EFCAB3: variants seen among roughly 807,000 people sequenced by gnomAD.
The protein encoded by EFCAB3 is EF-hand calcium binding domain 3, also known as EF-hand calcium-binding domain-containing protein 3.
EFCAB3 carries 36 observed loss-of-function variants against 42.2 expected under a neutral mutation model. That is an observed-to-expected ratio of 0.85 (90% CI 0.65 to 1.13). The LOEUF is 1.13. Among genes scored for constraint, EFCAB3 ranks in the 50% most tolerant of loss-of-function variants. The pLI is 0.00. For missense variants in EFCAB3, 418 were observed against 505.1 expected (o/e 0.83, Z 1.65); for synonymous variants, 170 against 172.8 (o/e 0.98, Z 0.13).
upstream of EFCAB3, among the ~76,000 whole-genome samples, chr17:62,377,741 T>C (rs532980119): frequency 6.6e-6 from 1 of 152,332 alleles, no homozygotes; most frequent in South Asian, 2.1e-4. Flanking sequence ...TGAATAGTCT[T>C]GATTTCAATG....
upstream of EFCAB3, among the ~76,000 whole-genome samples, chr17:62,379,926 T>C (rs2070182018): frequency 6.6e-6 from 1 of 152,236 alleles, no homozygotes; most frequent in African/African-American, 2.4e-5. Context: ...ATTAATGAAA[T>C]GATTCTTAAT....
chr17:62,388,205 C>T (rs11079475), intron 3 of EFCAB3, among the ~76,000 whole-genome samples: 11,221 of 150,738 alleles, frequency 0.074, 1,449 homozygotes, highest in African/African-American at 0.26. Flanking sequence ...AGCGAGACTA[C>T]GTCTCGAAAA....
chr17:62,401,179 TGAA>T (rs2070400068), intron 6 of EFCAB3, among the ~76,000 whole-genome samples: 1 of 152,252 alleles, frequency 6.6e-6, no homozygotes, highest in Non-Finnish European at 1.5e-5. Context: ...TTGTAGATTC[TGAA>T]TATTAGCCCT....
intron 6 of EFCAB3, among the ~76,000 whole-genome samples, chr17:62,395,781 A>G (rs1435887776): frequency 1.3e-5 from 2 of 152,182 alleles, no homozygotes; most frequent in East Asian, 3.8e-4. Context: ...CTGAGAGTAA[A>G]TCACCTCAAT....
upstream of EFCAB3, among the ~76,000 whole-genome samples, chr17:62,378,185 A>G (rs943743579): frequency 5.3e-5 from 8 of 152,172 alleles, no homozygotes; most frequent in African/African-American, 1.7e-4. Flanking sequence ...CTTTCTTTCT[A>G]AGTTCCTTGT....
At chr17:62,374,048 T>C (rs1334113686) in intron 2 of EFCAB3, among the ~76,000 whole-genome samples, 1 of 152,246 alleles carries the variant, frequency 6.6e-6, no homozygotes, top group Non-Finnish European at 1.5e-5. Flanking sequence ...CCAATGATAA[T>C]CCATAATTTT....
Position 62,407,027 on chromosome 17 carries a change from G to T in EFCAB3, c.683-1G>T. ...TACCATTTTTGTTTTTATCTTTTTA[G>T]GATGCAATTCCGGTTCAGATAGCCC... On this transcript the variant is annotated splice_acceptor_variant, in intron 7 of 9. Transcript: ENST00000305286. LOFTEE classifies it high-confidence loss of function. The T allele has an allele frequency of 6.4e-7, 1 of 1,568,274 alleles. No homozygotes were observed. The highest frequency in any genetic ancestry group is 1.2e-5 in the South Asian group (1 of 83,512).
At position 62,402,190 on chromosome 17, in the gene EFCAB3, C is replaced by T. The variant is rs932284361; in HGVS notation, c.489-4290C>T. 2.2e-4 allele frequency among the ~76,000 whole-genome samples: 34 copies of T among 152,158 alleles called. 3 individuals are homozygous for T. The highest frequency in any genetic ancestry group is 8.8e-5 in the Non-Finnish European group (6 of 68,028). ...CTTATCAGCTTAAGGAGATTTTGGG[C>T]TGAGACGATGGGGTTTTCTAAATAT... On this transcript the variant is annotated intron_variant, in intron 6 of 9. Transcript: ENST00000305286.
intron 2 of EFCAB3, among the ~76,000 whole-genome samples, chr17:62,375,313 C>T (rs1368640293): frequency 6.6e-6 from 1 of 152,132 alleles, no homozygotes; most frequent in Non-Finnish European, 1.5e-5. Context: ...TCTATTGCTG[C>T]TTTTGTTGTT....
rs190310944 is a variant in EFCAB3, at chr17:62,371,684, G to A, written c.34+1362G>A. 3.3e-4 allele frequency among the ~76,000 whole-genome samples: 50 copies of A among 152,272 alleles called. 1 individual carries two copies. In the East Asian group the frequency reaches 8.5e-3, roughly 26 times the overall value. On this transcript the variant is annotated intron_variant, in intron 1 of 11. Coordinates refer to the EFCAB3 transcript ENST00000450662. ...GAAAAATAAGGAAAAATATTACAGC[G>A]AGTGAAACTAGAAAATAAAATGAGT...
intron 2 of EFCAB3, among the ~76,000 whole-genome samples, chr17:62,383,944 A>G (rs953857324): frequency 6.6e-5 from 10 of 152,242 alleles, no homozygotes; most frequent in Admixed American, 5.9e-4. Context: ...GCTTTTTCTC[A>G]GTCACCTAAC....
chr17:62,396,815 G>A (rs1402320222), intron 6 of EFCAB3, among the ~76,000 whole-genome samples: 1 of 151,908 alleles, frequency 6.6e-6, no homozygotes, highest in Non-Finnish European at 1.5e-5. Flanking sequence ...GGAATTTGAG[G>A]TTACAGTGAG....
At chr17:62,409,661 T>C (rs974327833) in intron 8 of EFCAB3, among the ~76,000 whole-genome samples, 1 of 151,708 alleles carries the variant, frequency 6.6e-6, no homozygotes, top group Admixed American at 6.6e-5. Flanking sequence ...TTCCTGATTT[T>C]TTTCATAACA....
At chr17:62,382,780 A>G (rs1267188496) in intron 1 of EFCAB3, among the ~76,000 whole-genome samples, 183 bp from the exon 2 acceptor site, 4 of 152,218 alleles carry the variant, frequency 2.6e-5, no homozygotes, top group Admixed American at 2.6e-4. Flanking sequence ...ATCGGGAACA[A>G]CGAAGGGGAA....
intron 2 of EFCAB3, 109 bp from the exon 3 acceptor site, chr17:62,387,231 T>C: frequency 2.8e-6 from 2 of 726,066 alleles, no homozygotes; most frequent in Non-Finnish European, 4.5e-6. Flanking sequence ...GTAGACTGGA[T>C]ACATTGAGAT....
chr17:62,371,280 C>T (rs971590052), intron 1 of EFCAB3, among the ~76,000 whole-genome samples: 5 of 151,986 alleles, frequency 3.3e-5, no homozygotes, highest in Non-Finnish European at 7.4e-5. Flanking sequence ...ACTTGCCGGG[C>T]GCGGTGGCTC....
intron 4 of EFCAB3, among the ~76,000 whole-genome samples, chr17:62,393,170 C>T (rs1286833561): frequency 6.6e-6 from 1 of 152,272 alleles, no homozygotes; most frequent in African/African-American, 2.4e-5. Flanking sequence ...ACACATACCC[C>T]TCTAATAATA....
intron 4 of EFCAB3, among the ~76,000 whole-genome samples, chr17:62,392,698 C>T (rs895969158): frequency 6.6e-5 from 10 of 151,758 alleles, no homozygotes; most frequent in East Asian, 1.9e-4. Flanking sequence ...AGTGCAGTGG[C>T]GCAATCTCAG....
intron 8 of EFCAB3, among the ~76,000 whole-genome samples, chr17:62,409,859 C>T (rs2070480022): frequency 6.6e-6 from 1 of 151,876 alleles, no homozygotes; most frequent in Non-Finnish European, 1.5e-5. Flanking sequence ...TAGTTATATA[C>T]ATATGTAGTA....
Sources: allele counts gnomAD v4.1 joint callset (sites outside exome capture counted in the v4.1 genomes callset), GRCh38; gene constraint gnomAD v4.1.1; transcripts MANE v1.5; gene names NCBI Gene and HGNC (gene_info 2026-07-23, HGNC 2026-07-21).